Variants in APOOL observed in about 807,000 individuals in gnomAD.
APOOL encodes MICOS complex subunit MIC27.
Under a neutral mutation model 23.1 loss-of-function variants are expected in APOOL, and 12 were observed. The observed-to-expected ratio is 0.52, with a 90% CI of 0.33 to 0.84. APOOL has a LOEUF of 0.84. APOOL is among the 40% of genes least tolerant of loss of function. The probability of loss-of-function intolerance (pLI) is 0.02; values close to 1 mark genes in which losing one functional copy is unlikely to be tolerated. For synonymous variants in APOOL, 77 were observed against 69.9 expected, an observed-to-expected ratio of 1.10 and a Z score of -0.51; for missense variants, 212 against 199.6, an observed-to-expected ratio of 1.06 and a Z score of -0.37.
At chrX:85,058,450 A>G (rs1376245425) in intron 5 of APOOL, among the ~76,000 whole-genome samples, 2 of 111,666 alleles carry the variant, frequency 1.8e-5, no homozygotes, top group Non-Finnish European at 3.8e-5. Context: ...TATATGTACC[A>G]CATTTTCTTT....
intron 1 of APOOL, among the ~76,000 whole-genome samples, chrX:85,037,339 TAGTG>T (rs1484870291): frequency 3.6e-5 from 4 of 111,492 alleles, no homozygotes; most frequent in African/African-American, 1.3e-4. Flanking sequence ...GTTCTCTTTG[TAGTG>T]AGTAAGTCTC....
intron 1 of APOOL, among the ~76,000 whole-genome samples, chrX:85,013,886 G>T (rs1483039210): frequency 9.0e-6 from 1 of 111,382 alleles, no homozygotes; most frequent in Non-Finnish European, 1.9e-5. Context: ...TTTCTGTCTT[G>T]ATGACCTGTC....
rs886200815 is a variant in APOOL at position 85,088,002 on chromosome X, A to G, written c.*324A>G. 1.0e-3 allele frequency: 112 copies of G among 108,031 alleles called. 1 individual carries two copies. Among genetic ancestry groups the G allele is most frequent in the Non-Finnish European group, 1.8e-3 (100 of 54,191 alleles). 8.9% of individuals were successfully genotyped at this position (108,031 alleles called of 1,213,427 possible). A position where few individuals can be genotyped will look rare whatever the true frequency, so the allele number is the denominator to read the frequency against. On this transcript the variant is annotated 3_prime_UTR_variant, in exon 9 of 9. Transcript: ENST00000373173. ...TTAAAATCTAAAAATACATATATAT[A>G]TATGTATGTATAAATACATACATAT...
intron 2 of APOOL, among the ~76,000 whole-genome samples, chrX:85,050,515 C>T (rs1212223456): frequency 9.2e-6 from 1 of 108,247 alleles, no homozygotes; most frequent in Non-Finnish European, 1.9e-5. Context: ...ATCTAGTTCC[C>T]TTGATGTTGA....
At chrX:85,056,064 G>A (rs1306842217) in intron 5 of APOOL, 139 bp downstream of exon 5, 1 of 402,559 alleles carries the variant, frequency 2.5e-6, no homozygotes, top group Admixed American at 5.4e-5. Context: ...CTGTATTACA[G>A]CATGCTTACT....
At chrX:85,032,541 G>T (rs928054907) in intron 1 of APOOL, among the ~76,000 whole-genome samples, 9 of 109,758 alleles carry the variant, frequency 8.2e-5, no homozygotes, top group African/African-American at 3.0e-4. Context: ...TTTTAAAAAA[G>T]ATGTTTAATT....
intron 8 of APOOL, among the ~76,000 whole-genome samples, chrX:85,086,017 A>G (rs774535824): frequency 7.0e-4 from 79 of 112,387 alleles, no homozygotes; most frequent in African/African-American, 2.4e-3. Flanking sequence ...CAATGTAAAA[A>G]TAGTATCTGC....
intron 1 of APOOL, among the ~76,000 whole-genome samples, chrX:85,044,705 A>G (rs1922515268): frequency 8.9e-6 from 1 of 111,883 alleles, no homozygotes; most frequent in African/African-American, 3.2e-5. Context: ...ATGTGGAGAA[A>G]GTACTTAGGC....
intron 5 of APOOL, among the ~76,000 whole-genome samples, chrX:85,059,107 T>A (rs1213939826): frequency 1.0e-5 from 1 of 98,766 alleles, no homozygotes; most frequent in African/African-American, 3.8e-5. Context: ...AATTCCCACC[T>A]ATGAGTGAGA....
chrX:85,055,918 G>A lies in APOOL; in HGVS notation c.387G>A (p.Ala129=), dbSNP rs369360842. ...CAGGATTGGCGGGCTTGGTTTCAGC[G>A]AGAAAAGGTAGGGTTTTAAAAAATA... ...TVSGLAGLVS[A]RKGSKFKKIT... Residue 129 remains alanine, a synonymous_variant, in exon 5 of 9, where the codon GCG becomes GCA. Transcript: ENST00000373173. The A allele has an allele frequency of 8.4e-6, 10 of 1,185,635 alleles. No individual in the cohort carries two copies. The highest frequency in any genetic ancestry group is 4.7e-4 in the Middle Eastern group (2 of 4,281).
chrX:85,061,236 T>G (rs983337199), intron 5 of APOOL, among the ~76,000 whole-genome samples: 5 of 111,547 alleles, frequency 4.5e-5, no homozygotes, highest in South Asian at 3.9e-4. Flanking sequence ...GAAGCCCACT[T>G]GATCATGGTG....
At chrX:85,073,280 A>T (rs1923730923) in intron 6 of APOOL, among the ~76,000 whole-genome samples, 1 of 111,463 alleles carries the variant, frequency 9.0e-6, no homozygotes, top group African/African-American at 3.2e-5. Flanking sequence ...TGAAAAATCA[A>T]TGGCTGTTGA....
At chrX:85,026,958 C>A (rs994602920) in intron 1 of APOOL, among the ~76,000 whole-genome samples, 1 of 111,966 alleles carries the variant, frequency 8.9e-6, no homozygotes, top group Non-Finnish European at 1.9e-5. Context: ...TTTCAGGTAT[C>A]TTTATAGCAA....
At chrX:85,005,289 G>A (rs73627315) in intron 1 of APOOL, among the ~76,000 whole-genome samples, 1,834 of 108,015 alleles carry the variant, frequency 0.017, 35 homozygotes, top group African/African-American at 0.059. Flanking sequence ...GACTACAGGC[G>A]CATGCCAACC....
intron 6 of APOOL, among the ~76,000 whole-genome samples, chrX:85,072,483 G>A (rs1923702471): frequency 9.1e-6 from 1 of 110,202 alleles, no homozygotes; most frequent in Non-Finnish European, 1.9e-5. Flanking sequence ...TCAGCTCTAG[G>A]AATTTATCCT....
chrX:85,084,739 G>T (rs1161909254), intron 8 of APOOL, among the ~76,000 whole-genome samples: 1 of 111,509 alleles, frequency 9.0e-6, no homozygotes, highest in African/African-American at 3.3e-5. Context: ...AAAGGCAAAA[G>T]ATTCTTTCTA....
chrX:85,069,804 A>C (rs1328433506), intron 6 of APOOL, among the ~76,000 whole-genome samples: 2 of 110,260 alleles, frequency 1.8e-5, no homozygotes, highest in African/African-American at 3.3e-5. Flanking sequence ...ACATTAAAAA[A>C]AATTGAGTGC....
At chrX:85,086,660 A>G (rs1015084634) in intron 8 of APOOL, among the ~76,000 whole-genome samples, 1 of 110,647 alleles carries the variant, frequency 9.0e-6, no homozygotes, top group Non-Finnish European at 1.9e-5. Context: ...CCCTGCTTCT[A>G]TCCCTTGTTT....
At chrX:85,059,242 A>G (rs1923094176) in intron 5 of APOOL, among the ~76,000 whole-genome samples, 1 of 109,911 alleles carries the variant, frequency 9.1e-6, no homozygotes, top group Non-Finnish European at 1.9e-5. Context: ...ATTCCATGGT[A>G]TGTATGTGCC....
Sources: gnomAD v4.1 joint callset for allele counts (sites outside exome capture counted in the v4.1 genomes callset) on GRCh38, gnomAD v4.1.1 for gene constraint, MANE v1.5 for transcripts, NCBI Gene and HGNC (gene_info 2026-07-23, HGNC 2026-07-21) for gene names.